Variants in POR observed in about 807,000 individuals in gnomAD.
The protein encoded by POR is cytochrome p450 oxidoreductase.
POR carries 56 observed loss-of-function variants against 84.0 expected under a neutral mutation model. That is an observed-to-expected ratio of 0.67 (90% CI 0.54 to 0.83). The LOEUF is 0.83. Ranked by LOEUF, POR falls within the 40% of genes least tolerant of loss-of-function variation. POR has a pLI of 0.00. For synonymous variants in POR, 414 were observed against 400.5 expected (o/e 1.03, Z -0.40); for missense variants, 938 against 944.3 (o/e 0.99, Z 0.09).
At chr7:75,968,664 G>T (rs149536360) in intron 2 of POR, among the ~76,000 whole-genome samples, 3 of 152,218 alleles carry the variant, frequency 2.0e-5, no homozygotes, top group Non-Finnish European at 2.9e-5. Context: ...TCTGTGTTGC[G>T]CCGGTGACCT....
chr7:75,986,699 C>T lies in POR; in HGVS notation c.*218C>T, dbSNP rs539326245. On this transcript the variant is annotated 3_prime_UTR_variant, in exon 16 of 16. Transcript: ENST00000461988. ...CAGCCCAGGGCCTGCATGGGGGCAC[C>T]GGGCTCCATGCCTCTGGAGGCCTCT... is the stretch of plus-strand genomic sequence containing the variant. 2.2e-4 allele frequency: 137 copies of T among 622,488 alleles called. No individual in the cohort carries two copies. Among genetic ancestry groups the T allele is most frequent in the Non-Finnish European group, 3.1e-4 (110 of 360,108 alleles). The allele number at this position is 622,488 out of a possible 1,614,324, so 38.6% of individuals were successfully genotyped here.
chr7:75,965,418 C>T (rs1563420673), intron 2 of POR, among the ~76,000 whole-genome samples: 1 of 152,170 alleles, frequency 6.6e-6, no homozygotes, highest in Non-Finnish European at 1.5e-5. Flanking sequence ...GACGTTAGCA[C>T]ATGAGAGCTG....
chr7:75,917,169 G>A (rs1554548161), intron 1 of POR, among the ~76,000 whole-genome samples: 2 of 151,614 alleles, frequency 1.3e-5, no homozygotes, highest in Non-Finnish European at 2.9e-5. Context: ...CAGGATTCAA[G>A]CAATCCTCCC....
At chr7:75,963,069 G>A (rs1162557460) in intron 2 of POR, among the ~76,000 whole-genome samples, 2 of 152,156 alleles carry the variant, frequency 1.3e-5, no homozygotes, top group African/African-American at 2.4e-5. Context: ...CAGAAAGCCC[G>A]GGAGGCCAGG....
At chr7:75,927,424 A>G (rs1807183235) in intron 1 of POR, among the ~76,000 whole-genome samples, 1 of 151,874 alleles carries the variant, frequency 6.6e-6, no homozygotes, top group South Asian at 2.1e-4. Flanking sequence ...GCCACTGTAC[A>G]GCAGCCTGGC....
chr7:75,949,186 ACT>A (rs1313212402), intron 1 of POR, among the ~76,000 whole-genome samples: 38 of 151,596 alleles, frequency 2.5e-4, no homozygotes, highest in African/African-American at 9.0e-4. Context: ...ACGGAGTCTC[ACT>A]CTGTCACCCA....
chr7:75,970,935 C>CG (rs1788398515), intron 2 of POR: 1 of 5,224 alleles, frequency 1.9e-4, no homozygotes, highest in Non-Finnish European at 1.1e-3. Flanking sequence ...CCTTTAATGG[C>CG]GTTTTTTATT....
chr7:75,977,898 C>T (rs1295047666), intron 3 of POR, among the ~76,000 whole-genome samples: 3 of 152,218 alleles, frequency 2.0e-5, no homozygotes, highest in Non-Finnish European at 4.4e-5. Context: ...TCCCTTCCAC[C>T]CTTCAGATCT....
chr7:75,980,856 T>C, intron 5 of POR, 192 bp from the exon 6 acceptor site: 2 of 1,100,154 alleles, frequency 1.8e-6, no homozygotes, highest in Non-Finnish European at 2.5e-6. Context: ...GGCTGTGGGC[T>C]GCAGGTCAAC....
chr7:75,932,252 C>T (rs1222975200), intron 1 of POR, among the ~76,000 whole-genome samples: 2 of 151,134 alleles, frequency 1.3e-5, no homozygotes, highest in Non-Finnish European at 2.9e-5. Flanking sequence ...GCAGTCTTGG[C>T]TCACTGCAAC....
At chr7:75,920,272 G>A (rs1806791434) in intron 1 of POR, among the ~76,000 whole-genome samples, 1 of 151,746 alleles carries the variant, frequency 6.6e-6, no homozygotes, top group Admixed American at 6.6e-5. Flanking sequence ...GTTTCACTGT[G>A]TTGGCCAGGC....
intron 1 of POR, among the ~76,000 whole-genome samples, chr7:75,948,659 T>A (rs1554552383): frequency 6.6e-6 from 1 of 152,232 alleles, no homozygotes; most frequent in Non-Finnish European, 1.5e-5. Flanking sequence ...GCACTGCCAA[T>A]CCAGGTACCC....
At chr7:75,952,269 G>T (rs1402880352) in intron 1 of POR, among the ~76,000 whole-genome samples, 10 of 143,220 alleles carry the variant, frequency 7.0e-5, no homozygotes, top group Non-Finnish European at 6.3e-5. Flanking sequence ...CGGACGGGGC[G>T]GCTGGCCGGG....
At position 75,982,360 on chromosome 7, in the gene POR, A is replaced by G. The variant is rs41299517; in HGVS notation, c.830+38A>G. On this transcript the variant is annotated intron_variant, in intron 8 of 15. Coordinates refer to ENST00000461988, the MANE Select transcript of POR (RefSeq NM_000941.3). ...AGCGTGGCTTGGGGCAGACGGCTCT[A>G]TGGCCACTGGTGCACCCCAGGCTCA... The G allele has an allele frequency of 0.02, 29,859 of 1,519,144 alleles. 369 individuals carry two copies. The highest frequency in any genetic ancestry group is 0.023 in the Non-Finnish European group (25,765 of 1,107,318). The allele number at this position is 1,519,144 out of a possible 1,614,324, so 94.1% of individuals were successfully genotyped here.
chr7:75,974,613 A>T (rs1585122856), intron 3 of POR, among the ~76,000 whole-genome samples: 3 of 129,832 alleles, frequency 2.3e-5, no homozygotes. Flanking sequence ...TGCAATCTCC[A>T]CCTCCCGGGT....
At chr7:75,916,659 T>TG (rs1554548108) in intron 1 of POR, among the ~76,000 whole-genome samples, 1 of 152,162 alleles carries the variant, frequency 6.6e-6, no homozygotes, top group Non-Finnish European at 1.5e-5. Flanking sequence ...AGCTGCCAGT[T>TG]GCGTGGTGGT....
At chr7:75,932,218 C>T (rs937333231) in intron 1 of POR, among the ~76,000 whole-genome samples, 11 of 146,874 alleles carry the variant, frequency 7.5e-5, no homozygotes, top group Non-Finnish European at 1.5e-4. Flanking sequence ...CTGTCTCTGT[C>T]TGCCCAGGCT....
intron 1 of POR, among the ~76,000 whole-genome samples, chr7:75,936,156 A>G (rs1025115898): frequency 6.8e-6 from 1 of 146,708 alleles, no homozygotes; most frequent in African/African-American, 2.6e-5. Context: ...CAATGACACA[A>G]TCATCATGGC....
intron 4 of POR, 139 bp from the exon 5 acceptor site, chr7:75,980,197 ACTT>A: frequency 1.0e-6 from 1 of 986,072 alleles, no homozygotes; most frequent in South Asian, 1.7e-5. Flanking sequence ...CCGTGTTGTT[ACTT>A]CTCTCTGATC....
Sources: gnomAD v4.1 joint callset for allele counts (sites outside exome capture counted in the v4.1 genomes callset) on GRCh38, gnomAD v4.1.1 for gene constraint, MANE v1.5 for transcripts, NCBI Gene and HGNC (gene_info 2026-07-23, HGNC 2026-07-21) for gene names.